ENY2: variants seen among roughly 807,000 people sequenced by gnomAD.
ENY2 encodes transcription and mRNA export factor ENY2.
Under a neutral mutation model 15.9 loss-of-function variants are expected in ENY2, and 4 were observed. The ratio of observed to expected loss-of-function variants is 0.25; its 90% CI spans 0.12 to 0.57. ENY2 has a LOEUF of 0.57. Ranked by LOEUF, ENY2 falls within the 20% of genes least tolerant of loss-of-function variation. The pLI is 0.91. For missense variants in ENY2, 54 were observed against 117.2 expected, an observed-to-expected ratio of 0.46 and a Z score of 2.49; for synonymous variants, 48 against 38.0, an observed-to-expected ratio of 1.26 and a Z score of -0.97.
At position 109,343,608 on chromosome 8, in the gene ENY2, A is replaced by G; in HGVS notation, c.*127A>G. The stretch of plus-strand genomic sequence containing the variant: ...TATACAGTTTTCAGTAATGATGTAT[A>G]CATTGTATTGATTTTTTTCCCTAAA... On this transcript the variant is annotated 3_prime_UTR_variant, in exon 5 of 5. Coordinates refer to ENST00000521688, the MANE Select transcript of ENY2 (RefSeq NM_020189.6). 1.6e-6 allele frequency: 1 copy of G among 621,866 alleles called. No homozygotes were observed. The highest frequency in any genetic ancestry group is 2.6e-6 in the Non-Finnish European group (1 of 390,342). 38.5% of individuals were successfully genotyped at this position (621,866 alleles called of 1,614,324 possible).
intron 4 of ENY2, 87 bp downstream of exon 4, chr8:109,340,650 T>C (rs1816091995): frequency 1.9e-6 from 3 of 1,551,142 alleles, no homozygotes; most frequent in Non-Finnish European, 2.6e-6. Flanking sequence ...TCTTTCTGTT[T>C]TTAAGGAAAA....
At chr8:109,334,585 TCTCCGACAGGGCGTG>T (rs1815912214) in intron 1 of ENY2, 111 bp downstream of exon 1, 2 of 1,323,984 alleles carry the variant, frequency 1.5e-6, no homozygotes, top group Non-Finnish European at 2.0e-6. Context: ...CCTGTAGGGC[TCTCCGACAGGGCGTG>T]CTACCGGAGT....
At chr8:109,342,089 TACTG>T (rs1465115867) in intron 4 of ENY2, among the ~76,000 whole-genome samples, 1 of 151,926 alleles carries the variant, frequency 6.6e-6, no homozygotes, top group Non-Finnish European at 1.5e-5. Flanking sequence ...TTTATGGAAA[TACTG>T]AACTGTATCT....
chr8:109,340,770 A>G (rs894437502), intron 4 of ENY2: 1 of 549,656 alleles, frequency 1.8e-6, no homozygotes, highest in African/African-American at 1.9e-5. Context: ...GTACTCTAGA[A>G]CAGTGCACCA....
rs536929485 is a variant in ENY2 at position 109,345,074 on chromosome 8, C to G, written c.*1593C>G. 4 of 152,184 alleles carry G rather than the reference C, an allele frequency of 2.6e-5. No individual in the cohort carries two copies. Among genetic ancestry groups the G allele is most frequent in the Non-Finnish European group, 5.9e-5 (4 of 68,050 alleles). The allele number at this position is 152,184 out of a possible 1,614,324, so 9.4% of individuals were successfully genotyped here. A position where few individuals can be genotyped will look rare whatever the true frequency, so the allele number is the denominator to read the frequency against. On this transcript the variant is annotated 3_prime_UTR_variant, in exon 5 of 5. Coordinates refer to ENST00000521688, the MANE Select transcript of ENY2 (RefSeq NM_020189.6). ...AAGTACCTTTGAACCCAGAAGCCCC[C>G]TTTCTCATATGTTTCTCATTCCTGT...
At chr8:109,336,279 AT>A in intron 2 of ENY2, 75 bp downstream of exon 2, 1 of 1,191,640 alleles carries the variant, frequency 8.4e-7, no homozygotes, top group Non-Finnish European at 1.2e-6. Context: ...TAAACAAGAA[AT>A]GAAACATGTC....
intron 2 of ENY2, among the ~76,000 whole-genome samples, chr8:109,337,988 C>G (rs1218456889): frequency 6.6e-6 from 1 of 151,376 alleles, no homozygotes; most frequent in African/African-American, 2.4e-5. Context: ...TTGAGGAGCA[C>G]AGGGATGCTA....
chr8:109,339,444 G>C lies in ENY2; in HGVS notation c.154+54G>C, dbSNP rs527732008. The C allele has an allele frequency of 1.1e-5, 17 of 1,498,388 alleles. No individual in the cohort carries two copies. In the Middle Eastern group the frequency reaches 1.2e-3, roughly 106 times the overall value. The allele number at this position is 1,498,388 out of a possible 1,614,324, so 92.8% of individuals were successfully genotyped here. A position where few individuals can be genotyped will look rare whatever the true frequency, so the allele number is the denominator to read the frequency against. On this transcript the variant is annotated intron_variant, in intron 3 of 4. Transcript: ENST00000521688. ...AATCCCATTTTTCTGATCAGGATTG[G>C]TTTGGGGGTTGCTTATTTTAAGGTA...
chr8:109,343,284 TGAACA>T, intron 4 of ENY2, 116 bp from the exon 5 acceptor site: 1 of 673,454 alleles, frequency 1.5e-6, no homozygotes, highest in Non-Finnish European at 2.4e-6. Flanking sequence ...TTTTTTTAAT[TGAACA>T]TGAGGGTTAT....
At chr8:109,338,487 C>T (rs1386141253) in intron 2 of ENY2, 1 of 151,914 alleles carries the variant, frequency 6.6e-6, no homozygotes, top group Non-Finnish European at 1.5e-5. Context: ...ATTGAAAGAC[C>T]TAATTAAATA....
In ENY2 at chr8:109,345,735, A is replaced by G. The variant is rs1015278081; in HGVS notation, c.*2254A>G. ...CTATTTTATTACCTCAAAAATATATAAAAATGAAAACGTTATGAAAATATT... is the reference window on the plus strand; with the variant it reads ...CTATTTTATTACCTCAAAAATATATGAAAATGAAAACGTTATGAAAATATT... On this transcript the variant is annotated 3_prime_UTR_variant, in exon 5 of 5. Transcript: ENST00000521688. 1 of 152,226 alleles carries G rather than the reference A, an allele frequency of 6.6e-6. No individual in the cohort carries two copies. The highest frequency in any genetic ancestry group is 1.5e-5 in the Non-Finnish European group (1 of 68,034). 9.4% of individuals were successfully genotyped at this position (152,226 alleles called of 1,614,324 possible). A position where few individuals can be genotyped will look rare whatever the true frequency, so the allele number is the denominator to read the frequency against.
At chr8:109,334,565 C>T (rs368899502) in intron 1 of ENY2, 91 bp downstream of exon 1, 28 of 1,463,686 alleles carry the variant, frequency 1.9e-5, no homozygotes, top group South Asian at 1.1e-4. Flanking sequence ...CCCCGACCCG[C>T]GCTCGCGGGC....
Position 109,343,519 on chromosome 8 carries a change from A to G in ENY2, c.*38A>G, listed in dbSNP as rs762907563. On this transcript the variant is annotated 3_prime_UTR_variant, in exon 5 of 5. Coordinates refer to ENST00000521688, the MANE Select transcript of ENY2 (RefSeq NM_020189.6). ...TTGTGTTGTTGTGGTTTTATTTCTG[A>G]AAGTAAAACTTGCCATAAATTAGAA... 3 of 1,550,298 alleles carry G rather than the reference A, an allele frequency of 1.9e-6. No homozygotes were observed. Among genetic ancestry groups the G allele is most frequent in the Admixed American group, 3.9e-5 (2 of 51,116 alleles).
At position 109,345,621 on chromosome 8, in the gene ENY2, A is replaced by C. The variant is rs1195661147; in HGVS notation, c.*2140A>C. On this transcript the variant is annotated 3_prime_UTR_variant, in exon 5 of 5. Transcript: ENST00000521688. ...TATTATCACAATGAAAACAATCATA[A>C]ATAGTACACAGGAAAGGTGAGAAAT... 4 of 152,198 alleles carry C rather than the reference A, an allele frequency of 2.6e-5. No homozygotes were observed. The highest frequency in any genetic ancestry group is 9.6e-5 in the African/African-American group (4 of 41,464). The allele number at this position is 152,198 out of a possible 1,614,324, so 9.4% of individuals were successfully genotyped here. A position where few individuals can be genotyped will look rare whatever the true frequency, so the allele number is the denominator to read the frequency against.
In ENY2 at chr8:109,334,358, T is replaced by G. The variant is rs1294945303; in HGVS notation, c.-111T>G. The stretch of plus-strand genomic sequence containing the variant: ...TGTTCTAGCTTTCTGTGTGCTTAGG[T>G]GCCCGAGCTACTGAGGGTCTAAGTC... On this transcript the variant is annotated 5_prime_UTR_variant, in exon 1 of 5. Coordinates refer to ENST00000521688, the MANE Select transcript of ENY2 (RefSeq NM_020189.6). 1.3e-6 allele frequency: 2 copies of G among 1,509,988 alleles called. No individual in the cohort carries two copies. Among genetic ancestry groups the G allele is most frequent in the Non-Finnish European group, 1.8e-6 (2 of 1,096,744 alleles). 93.5% of individuals were successfully genotyped at this position (1,509,988 alleles called of 1,614,324 possible). A position where few individuals can be genotyped will look rare whatever the true frequency, so the allele number is the denominator to read the frequency against.
At chr8:109,340,298 C>G in intron 3 of ENY2, 191 bp from the exon 4 acceptor site, 1 of 703,182 alleles carries the variant, frequency 1.4e-6, no homozygotes, top group African/African-American at 1.8e-5. Context: ...CTGAGACTTA[C>G]GAACAACTTT....
intron 4 of ENY2, chr8:109,340,777 A>G (rs1816094353): frequency 2.0e-6 from 1 of 504,552 alleles, no homozygotes; most frequent in Non-Finnish European, 3.5e-6. Flanking sequence ...AGAACAGTGC[A>G]CCAATGCAAG....
At position 109,339,286 on chromosome 8, in the gene ENY2, AT is replaced by A. The variant is rs3832557; in HGVS notation, c.84-32del. 137 of 1,594,392 alleles carry A rather than the reference AT, an allele frequency of 8.6e-5. 1 individual carries two copies. The East Asian group carries it at 3.0e-3, about 35-fold the overall frequency. ...TACATTCCTGTCTAAGATGTTATAC[AT>A]TGTTCAATTTGAAAACACTTCTGTT... On this transcript the variant is annotated intron_variant, in intron 2 of 4. Transcript: ENST00000521688.
In ENY2 at chr8:109,344,114, G is replaced by A. The variant is rs1413876789; in HGVS notation, c.*633G>A. ...ACTAAGGTCAAGAAAGAACTTAATG[G>A]GAATTAATCTCCACCCATTAGCTTT... On this transcript the variant is annotated 3_prime_UTR_variant, in exon 5 of 5. Coordinates refer to ENST00000521688, the MANE Select transcript of ENY2 (RefSeq NM_020189.6). 1 of 152,092 alleles carries A rather than the reference G, an allele frequency of 6.6e-6. No individual in the cohort carries two copies. Among genetic ancestry groups the A allele is most frequent in the Non-Finnish European group, 1.5e-5 (1 of 68,022 alleles). 9.4% of individuals were successfully genotyped at this position (152,092 alleles called of 1,614,324 possible). A position where few individuals can be genotyped will look rare whatever the true frequency, so the allele number is the denominator to read the frequency against.
Sources: allele counts gnomAD v4.1 joint callset (sites outside exome capture counted in the v4.1 genomes callset), GRCh38; gene constraint gnomAD v4.1.1; transcripts MANE v1.5; gene names NCBI Gene and HGNC (gene_info 2026-07-23, HGNC 2026-07-21).